Variants in ZEB1 observed in about 807,000 individuals in gnomAD.
ZEB1 encodes zinc finger E-box binding homeobox 1.
A neutral mutation model predicts 84.9 loss-of-function variants in ZEB1; 21 were observed. That is an observed-to-expected ratio of 0.25 (90% CI 0.18 to 0.36). The LOEUF is 0.36. Ranked by LOEUF, ZEB1 falls within the 10% of genes least tolerant of loss-of-function variation. The probability of loss-of-function intolerance (pLI) is 1.00; values close to 1 mark genes in which losing one functional copy is unlikely to be tolerated. For missense variants in ZEB1, 1,104 were observed against 1,330.2 expected (o/e 0.83, Z 2.65); for synonymous variants, 420 against 471.1 (o/e 0.89, Z 1.41).
intron 1 of ZEB1, among the ~76,000 whole-genome samples, chr10:31,426,271 A>T (rs566376020): frequency 6.6e-6 from 1 of 152,278 alleles, no homozygotes; most frequent in African/African-American, 2.4e-5. Context: ...GTTGAATACA[A>T]AGTATGTGAC....
intron 1 of ZEB1, among the ~76,000 whole-genome samples, chr10:31,396,982 C>T (rs961387117): frequency 6.6e-6 from 1 of 150,702 alleles, no homozygotes; most frequent in Non-Finnish European, 1.5e-5. Flanking sequence ...AGCTCGAGCT[C>T]TCCTAACTTA....
chr10:31,490,289 C>T (rs1255095701), intron 2 of ZEB1, among the ~76,000 whole-genome samples: 1 of 151,454 alleles, frequency 6.6e-6, no homozygotes, highest in Admixed American at 6.6e-5. Flanking sequence ...TGCACTACAG[C>T]TCTTTTCCTT....
intron 1 of ZEB1, among the ~76,000 whole-genome samples, chr10:31,367,863 T>C (rs1465928099): frequency 2.0e-5 from 3 of 152,220 alleles, no homozygotes; most frequent in Admixed American, 2.0e-4. Flanking sequence ...AAAGTAAGCA[T>C]GCACCCAAAA....
intron 1 of ZEB1, among the ~76,000 whole-genome samples, chr10:31,331,106 T>TC (rs1266461336): frequency 4.3e-5 from 6 of 138,468 alleles, no homozygotes; most frequent in African/African-American, 1.8e-4. Flanking sequence ...TTTTTTTTTT[T>TC]TGAGACGGAG....
chr10:31,403,088 T>A (rs2052365977), intron 1 of ZEB1, among the ~76,000 whole-genome samples: 1 of 152,124 alleles, frequency 6.6e-6, no homozygotes, highest in South Asian at 2.1e-4. Flanking sequence ...GTGCAGGCTT[T>A]GGAATTAGCT....
chr10:31,499,961 T>C (rs1236641596), intron 3 of ZEB1, among the ~76,000 whole-genome samples: 2 of 152,070 alleles, frequency 1.3e-5, no homozygotes, highest in African/African-American at 2.4e-5. Context: ...TTTATTGAAG[T>C]AGCAAAATTC....
intron 1 of ZEB1, among the ~76,000 whole-genome samples, chr10:31,329,711 A>G (rs2036352676): frequency 6.6e-6 from 1 of 152,118 alleles, no homozygotes. Context: ...ATCCTTGCAA[A>G]CAATTGTCCA....
At chr10:31,400,143 T>G (rs543012350) in intron 1 of ZEB1, among the ~76,000 whole-genome samples, 1 of 152,306 alleles carries the variant, frequency 6.6e-6, no homozygotes, top group African/African-American at 2.4e-5. Context: ...TTTTACCTAC[T>G]TTTTTCATTT....
intron 1 of ZEB1, among the ~76,000 whole-genome samples, chr10:31,333,627 A>G (rs1325928813): frequency 1.3e-5 from 2 of 152,042 alleles, no homozygotes; most frequent in African/African-American, 4.8e-5. Flanking sequence ...CAATCTGAAA[A>G]AAAGGTAAAG....
chr10:31,327,730 G>C (rs2035885623), intron 1 of ZEB1, among the ~76,000 whole-genome samples: 1 of 151,982 alleles, frequency 6.6e-6, no homozygotes, highest in South Asian at 2.1e-4. Context: ...AATTCTGTCA[G>C]ATTATTTTAA....
chr10:31,405,667 G>A (rs893499088), intron 1 of ZEB1, among the ~76,000 whole-genome samples: 4 of 151,484 alleles, frequency 2.6e-5, no homozygotes, highest in African/African-American at 7.3e-5. Flanking sequence ...TATCTAATAC[G>A]CACCTGTTTA....
At chr10:31,333,987 G>A (rs2037405507) in intron 1 of ZEB1, among the ~76,000 whole-genome samples, 2 of 151,870 alleles carry the variant, frequency 1.3e-5, no homozygotes, top group South Asian at 4.2e-4. Flanking sequence ...ATAAAAGGAA[G>A]GTATAATTTT....
intron 1 of ZEB1, among the ~76,000 whole-genome samples, chr10:31,418,325 C>T (rs573364945): frequency 6.6e-6 from 1 of 151,816 alleles, no homozygotes; most frequent in Admixed American, 6.6e-5. Flanking sequence ...AACAAAACAC[C>T]AAGGGGAGTT....
At chr10:31,402,594 A>G (rs1029560687) in intron 1 of ZEB1, among the ~76,000 whole-genome samples, 2 of 151,812 alleles carry the variant, frequency 1.3e-5, no homozygotes, top group Admixed American at 6.6e-5. Context: ...GTATTGAACT[A>G]CTAGTGACTG....
intron 1 of ZEB1, among the ~76,000 whole-genome samples, chr10:31,372,184 G>A (rs1169701601): frequency 6.6e-6 from 1 of 151,960 alleles, no homozygotes; most frequent in African/African-American, 2.4e-5. Context: ...ATAAGGACGT[G>A]TTTTTCTTTC....
chr10:31,495,916 C>G, intron 3 of ZEB1, 78 bp downstream of exon 3: 1 of 1,489,846 alleles, frequency 6.7e-7, no homozygotes, highest in South Asian at 1.1e-5. Context: ...ATTTGTGAGT[C>G]CTGAATTTAG....
chr10:31,435,804 C>A (rs901908470), intron 1 of ZEB1, among the ~76,000 whole-genome samples: 1 of 152,174 alleles, frequency 6.6e-6, no homozygotes, highest in Non-Finnish European at 1.5e-5. Context: ...GAGAGTGATA[C>A]ATTTTGCTTT....
intron 6 of ZEB1, among the ~76,000 whole-genome samples, chr10:31,518,577 G>T (rs1316818776): frequency 6.6e-6 from 1 of 152,052 alleles, no homozygotes; most frequent in Non-Finnish European, 1.5e-5. Context: ...AATCTCATAT[G>T]ACCCCTATAA....
chr10:31,383,237 C>G (rs1202484433), intron 1 of ZEB1, among the ~76,000 whole-genome samples: 2 of 152,108 alleles, frequency 1.3e-5, no homozygotes, highest in African/African-American at 4.8e-5. Flanking sequence ...TGTGATTGCA[C>G]TATCCAATAT....
Sources: allele counts gnomAD v4.1 joint callset (sites outside exome capture counted in the v4.1 genomes callset), GRCh38; gene constraint gnomAD v4.1.1; transcripts MANE v1.5; gene names NCBI Gene and HGNC (gene_info 2026-07-23, HGNC 2026-07-21).